Variants in FHIP1A observed in about 807,000 individuals in gnomAD.
FHIP1A encodes FHF complex subunit HOOK-interacting protein 1A.
A neutral mutation model predicts 88.6 loss-of-function variants in FHIP1A; 61 were observed. The observed-to-expected ratio is 0.69, with a 90% confidence interval of 0.56 to 0.85. The LOEUF is 0.85. FHIP1A is among the 40% of genes least tolerant of loss of function. The probability of loss-of-function intolerance (pLI) is 0.00; values close to 1 mark genes in which losing one functional copy is unlikely to be tolerated. For missense variants in FHIP1A, 1,154 were observed against 1,273.5 expected, an observed-to-expected ratio of 0.91 and a Z score of 1.43; for synonymous variants, 478 against 496.0, an observed-to-expected ratio of 0.96 and a Z score of 0.48.
At chr4:151,462,292 A>T (rs1187143756) in intron 2 of FHIP1A, among the ~76,000 whole-genome samples, 1 of 152,140 alleles carries the variant, frequency 6.6e-6, no homozygotes, top group East Asian at 1.9e-4. Context: ...TTGTTCCCTG[A>T]CAGGACCCAG....
chr4:151,589,284 G>A (rs1734337104), intron 7 of FHIP1A, among the ~76,000 whole-genome samples: 1 of 152,164 alleles, frequency 6.6e-6, no homozygotes, highest in African/African-American at 2.4e-5. Flanking sequence ...GTCTGCTGTG[G>A]GCATGGAGAG....
At chr4:151,653,856 C>T (rs879402466) in intron 11 of FHIP1A, among the ~76,000 whole-genome samples, 17 of 152,038 alleles carry the variant, frequency 1.1e-4, no homozygotes, top group Admixed American at 2.0e-4. Context: ...AACGGGAGAG[C>T]GGTGAGTGGA....
intron 4 of FHIP1A, among the ~76,000 whole-genome samples, chr4:151,573,176 G>T (rs553984169): frequency 6.6e-6 from 1 of 152,062 alleles, no homozygotes; most frequent in Non-Finnish European, 1.5e-5. Context: ...TAAGAGCATT[G>T]TTCACACTGT....
At chr4:151,442,352 A>T (rs994839264) in intron 1 of FHIP1A, among the ~76,000 whole-genome samples, 5 of 152,094 alleles carry the variant, frequency 3.3e-5, no homozygotes, top group Non-Finnish European at 7.4e-5. Context: ...AAATCAACAG[A>T]AAAACCCCCC....
chr4:151,616,029 T>C (rs547804390), intron 7 of FHIP1A, among the ~76,000 whole-genome samples: 1 of 152,300 alleles, frequency 6.6e-6, no homozygotes, highest in Admixed American at 6.5e-5. Flanking sequence ...TGCCATGAGT[T>C]TGTCTTGGTG....
At chr4:151,467,649 A>G (rs926323556) in intron 2 of FHIP1A, among the ~76,000 whole-genome samples, 6 of 152,230 alleles carry the variant, frequency 3.9e-5, no homozygotes, top group African/African-American at 1.2e-4. Flanking sequence ...CTATGCAACC[A>G]TAAAAAAGAA....
intron 1 of FHIP1A, among the ~76,000 whole-genome samples, chr4:151,435,205 C>T (rs1315820005): frequency 1.3e-5 from 2 of 152,014 alleles, no homozygotes; most frequent in Non-Finnish European, 2.9e-5. Flanking sequence ...CTGTGGAACA[C>T]TGGAACTTAC....
At chr4:151,416,249 AC>A (rs1019894133) in intron 1 of FHIP1A, among the ~76,000 whole-genome samples, 1 of 152,218 alleles carries the variant, frequency 6.6e-6, no homozygotes, top group African/African-American at 2.4e-5. Context: ...CAAAGTTTTT[AC>A]TGAATGTCTA....
intron 7 of FHIP1A, among the ~76,000 whole-genome samples, chr4:151,594,118 A>T (rs902676286): frequency 6.6e-6 from 1 of 152,184 alleles, no homozygotes; most frequent in Non-Finnish European, 1.5e-5. Context: ...AGCTGACTTG[A>T]TCGTGGTGGA....
intron 7 of FHIP1A, among the ~76,000 whole-genome samples, chr4:151,601,699 A>G (rs1242935226): frequency 7.3e-5 from 11 of 151,264 alleles, no homozygotes; most frequent in African/African-American, 2.4e-4. Flanking sequence ...TGTGCAGTGG[A>G]AGAGCATTAG....
At chr4:151,511,106 C>G (rs764557252) in intron 3 of FHIP1A, among the ~76,000 whole-genome samples, 2 of 152,132 alleles carry the variant, frequency 1.3e-5, no homozygotes, top group African/African-American at 4.8e-5. Flanking sequence ...TGACAAATCC[C>G]CATTAGGCTG....
intron 4 of FHIP1A, among the ~76,000 whole-genome samples, chr4:151,577,116 T>C (rs981553031): frequency 6.6e-6 from 1 of 152,200 alleles, no homozygotes; most frequent in Non-Finnish European, 1.5e-5. Flanking sequence ...ACATATCACT[T>C]ACAGTTTCTC....
intron 3 of FHIP1A, among the ~76,000 whole-genome samples, chr4:151,516,591 A>G (rs1184865875): frequency 6.6e-6 from 1 of 152,186 alleles, no homozygotes; most frequent in East Asian, 1.9e-4. Context: ...CAATGAACTC[A>G]AACAAATTTA....
chr4:151,451,003 C>T (rs1728770740), intron 1 of FHIP1A, among the ~76,000 whole-genome samples: 1 of 152,080 alleles, frequency 6.6e-6, no homozygotes, highest in African/African-American at 2.4e-5. Context: ...GTCTCTAACT[C>T]CTGGCCTCAA....
At chr4:151,570,863 G>A (rs529069722) in intron 4 of FHIP1A, among the ~76,000 whole-genome samples, 3 of 152,140 alleles carry the variant, frequency 2.0e-5, no homozygotes, top group Non-Finnish European at 4.4e-5. Context: ...ATTTGTCACC[G>A]GCAAGATCTT....
chr4:151,412,598 T>C (rs537115166), intron 1 of FHIP1A, among the ~76,000 whole-genome samples: 1,580 of 139,404 alleles, frequency 0.011, 32 homozygotes, highest in African/African-American at 0.042. Flanking sequence ...CTTCCTTCCT[T>C]CCTTCCTTCC....
chr4:151,484,337 T>G (rs911325848), intron 3 of FHIP1A, among the ~76,000 whole-genome samples: 2 of 152,314 alleles, frequency 1.3e-5, no homozygotes, highest in South Asian at 2.1e-4. Context: ...TATACTGGTT[T>G]GGAAAAGGTC....
At chr4:151,500,565 G>A (rs1323175292) in intron 3 of FHIP1A, among the ~76,000 whole-genome samples, 1 of 151,966 alleles carries the variant, frequency 6.6e-6, no homozygotes, top group Non-Finnish European at 1.5e-5. Context: ...ATAAAGTTGG[G>A]AAAATAATAG....
chr4:151,418,172 TAAAA>T (rs1040622837), intron 1 of FHIP1A, among the ~76,000 whole-genome samples: 3 of 77,946 alleles, frequency 3.8e-5, no homozygotes, highest in South Asian at 5.6e-4. Flanking sequence ...AACCTATCTC[TAAAA>T]AAAAAAAAAA....
Sources: gnomAD v4.1 joint callset for allele counts (sites outside exome capture counted in the v4.1 genomes callset) on GRCh38, gnomAD v4.1.1 for gene constraint, MANE v1.5 for transcripts, NCBI Gene and HGNC (gene_info 2026-07-23, HGNC 2026-07-21) for gene names.